The following BRINP3 variants were observed in gnomAD, a reference collection of about 807,000 sequenced individuals.
BRINP3 encodes the protein BMP/retinoic acid inducible neural specific 3, also known as BMP/retinoic acid-inducible neural-specific protein 3.
In BRINP3, 19 loss-of-function variants were observed where a neutral mutation model predicts 71.0. The observed-to-expected ratio is 0.27, with a 90% CI of 0.19 to 0.39. BRINP3 has a LOEUF of 0.39. BRINP3 is among the 10% of genes least tolerant of loss of function. The probability of loss-of-function intolerance (pLI) is 1.00; values close to 1 mark genes in which losing one functional copy is unlikely to be tolerated. For missense variants in BRINP3, 959 were observed against 940.8 expected, an observed-to-expected ratio of 1.02 and a Z score of -0.25; for synonymous variants, 380 against 337.7, an observed-to-expected ratio of 1.13 and a Z score of -1.37.
intron 6 of BRINP3, among the ~76,000 whole-genome samples, chr1:190,202,042 T>G (rs1432506515): frequency 6.6e-6 from 1 of 152,116 alleles, no homozygotes; most frequent in Admixed American, 6.6e-5. Context: ...GTACATCCAC[T>G]GACAGCTTGC....
intron 6 of BRINP3, among the ~76,000 whole-genome samples, chr1:190,204,661 A>G (rs1347662187): frequency 6.6e-6 from 1 of 152,122 alleles, no homozygotes; most frequent in Non-Finnish European, 1.5e-5. Context: ...GAATTCAAAT[A>G]TCAGATGGAT....
In BRINP3 at chr1:190,281,788, T is replaced by C. The variant is rs371502827; in HGVS notation, c.237-38A>G. ...TTTATTTTTATTCATAAATGCATAATCTATCTGAATGTTTTCATTTGAGTT... is the reference window on the plus strand; with the variant it reads ...TTTATTTTTATTCATAAATGCATAACCTATCTGAATGTTTTCATTTGAGTT... On this transcript the variant is annotated intron_variant, in intron 2 of 7. Transcript: ENST00000367462. 4 of 1,573,456 alleles carry C rather than the reference T, an allele frequency of 2.5e-6. No individual in the cohort carries two copies. In the African/African-American group the frequency reaches 4.1e-5, roughly 16 times the overall value.
intron 2 of BRINP3, among the ~76,000 whole-genome samples, chr1:190,426,067 A>T (rs1255427714): frequency 6.6e-6 from 1 of 151,844 alleles, no homozygotes; most frequent in Admixed American, 6.6e-5. Context: ...TGAAACATTC[A>T]TATCTTCAAT....
At chr1:190,291,900 A>G (rs2102969299) in intron 2 of BRINP3, among the ~76,000 whole-genome samples, 5 of 152,308 alleles carry the variant, frequency 3.3e-5, no homozygotes, top group Middle Eastern at 6.8e-3. Context: ...ACCTGTGACC[A>G]TTGGTGAAAG....
At chr1:190,406,775 T>C (rs2102387241) in intron 2 of BRINP3, among the ~76,000 whole-genome samples, 1 of 152,232 alleles carries the variant, frequency 6.6e-6, no homozygotes, top group South Asian at 2.1e-4. Flanking sequence ...AACAGATGTT[T>C]TCTGAATTTC....
intron 2 of BRINP3, among the ~76,000 whole-genome samples, chr1:190,294,482 G>A (rs1441970432): frequency 6.6e-6 from 1 of 151,754 alleles, no homozygotes; most frequent in Non-Finnish European, 1.5e-5. Flanking sequence ...TAACTCTTAG[G>A]CTCAAGTGAT....
chr1:190,201,984 C>A (rs1225578121), intron 6 of BRINP3, among the ~76,000 whole-genome samples: 1 of 152,146 alleles, frequency 6.6e-6, no homozygotes, highest in African/African-American at 2.4e-5. Flanking sequence ...GAGGCATCAC[C>A]TAGTGGAGCT....
intron 6 of BRINP3, among the ~76,000 whole-genome samples, chr1:190,199,988 T>C (rs1012935224): frequency 6.6e-6 from 1 of 152,120 alleles, no homozygotes; most frequent in Non-Finnish European, 1.5e-5. Flanking sequence ...ACTGCAGTCC[T>C]GGTAATGACA....
chr1:190,201,444 G>A (rs1478566815), intron 6 of BRINP3, among the ~76,000 whole-genome samples: 1 of 152,142 alleles, frequency 6.6e-6, no homozygotes, highest in Admixed American at 6.5e-5. Context: ...CAATACGATA[G>A]AAAAGAAAAT....
chr1:190,233,872 T>C (rs1658250174), intron 5 of BRINP3, among the ~76,000 whole-genome samples: 1 of 152,194 alleles, frequency 6.6e-6, no homozygotes, highest in Non-Finnish European at 1.5e-5. Context: ...AATCTATCTT[T>C]AAAATGGAAA....
rs1400607612 is a variant in BRINP3, at chr1:190,196,728, TGTGTTTTAG to T, written c.961+29345_961+29353del. Reference sequence around the variant, plus strand: ...AAAATTTTCATGAAAAATTACCCTTTGTGTTTTAGAAACAATAATTTAATTTGAGCCACT... The same window carrying T: ...AAAATTTTCATGAAAAATTACCCTTTAAACAATAATTTAATTTGAGCCACT... On this transcript the variant is annotated intron_variant, in intron 6 of 7. Transcript: ENST00000367462. Among the ~76,000 whole-genome samples the T allele has an allele frequency of 4.3e-4, 66 of 152,046 alleles. No individual in the cohort carries two copies. In the East Asian group the frequency reaches 7.4e-3, roughly 17 times the overall value.
chr1:190,105,884 CACACAAAGATAA>C (rs1369663317), intron 7 of BRINP3, among the ~76,000 whole-genome samples: 6 of 151,782 alleles, frequency 4.0e-5, no homozygotes, highest in African/African-American at 1.2e-4. Context: ...AAACATGAGT[CACACAAAGATAA>C]ACACAATTAC....
At chr1:190,167,866 G>A (rs2102485769) in intron 6 of BRINP3, among the ~76,000 whole-genome samples, 1 of 152,202 alleles carries the variant, frequency 6.6e-6, no homozygotes, top group East Asian at 1.9e-4. Flanking sequence ...CCAAGAATTT[G>A]CTCATTTTTT....
intron 5 of BRINP3, among the ~76,000 whole-genome samples, chr1:190,228,436 A>G (rs928208882): frequency 2.6e-5 from 4 of 151,570 alleles, no homozygotes; most frequent in Admixed American, 6.6e-5. Context: ...AAAGCACATC[A>G]TTGCATTACA....
intron 7 of BRINP3, among the ~76,000 whole-genome samples, chr1:190,102,933 T>C (rs1464798040): frequency 6.6e-6 from 1 of 152,108 alleles, no homozygotes; most frequent in African/African-American, 2.4e-5. Context: ...CATTAATGTT[T>C]ATACCACTGA....
chr1:190,275,067 G>A (rs895696434), intron 3 of BRINP3, among the ~76,000 whole-genome samples: 3 of 151,632 alleles, frequency 2.0e-5, no homozygotes, highest in Non-Finnish European at 4.4e-5. Context: ...CTCAAGAATA[G>A]ACTACAAATT....
At chr1:190,241,517 A>T (rs1659095786) in intron 4 of BRINP3, among the ~76,000 whole-genome samples, 1 of 151,996 alleles carries the variant, frequency 6.6e-6, no homozygotes, top group Non-Finnish European at 1.5e-5. Flanking sequence ...ACACAATTTA[A>T]TTGGTCTAGA....
At chr1:190,218,238 T>C (rs1440596689) in intron 6 of BRINP3, among the ~76,000 whole-genome samples, 1 of 152,024 alleles carries the variant, frequency 6.6e-6, no homozygotes, top group Non-Finnish European at 1.5e-5. Context: ...TTGCCCTGAT[T>C]CATAATAGTA....
At chr1:190,231,912 A>T (rs1216146096) in intron 5 of BRINP3, among the ~76,000 whole-genome samples, 9 of 151,948 alleles carry the variant, frequency 5.9e-5, no homozygotes, top group Non-Finnish European at 2.9e-5. Flanking sequence ...TTGCTTAGAT[A>T]CAATTCCACT....
Sources: allele counts gnomAD v4.1 joint callset (sites outside exome capture counted in the v4.1 genomes callset), GRCh38; gene constraint gnomAD v4.1.1; transcripts MANE v1.5; gene names NCBI Gene and HGNC (gene_info 2026-07-23, HGNC 2026-07-21).